MAP3K4: variants seen among roughly 807,000 people sequenced by gnomAD.
MAP3K4 encodes MAP three kinase 1.
Under a neutral mutation model 185.6 loss-of-function variants are expected in MAP3K4, and 67 were observed. The observed-to-expected ratio is 0.36, with a 90% CI of 0.30 to 0.44. The LOEUF (loss-of-function observed/expected upper bound fraction) is 0.44. Ranked by LOEUF, MAP3K4 falls within the 20% of genes least tolerant of loss-of-function variation. The probability of loss-of-function intolerance (pLI) is 1.00; values close to 1 mark genes in which losing one functional copy is unlikely to be tolerated. For synonymous variants in MAP3K4, 702 were observed against 710.4 expected, an observed-to-expected ratio of 0.99 and a Z score of 0.19; for missense variants, 1,551 against 1,995.1, an observed-to-expected ratio of 0.78 and a Z score of 4.24.
At chr6:161,013,931 G>A (rs1781965260) in intron 1 of MAP3K4, among the ~76,000 whole-genome samples, 1 of 152,210 alleles carries the variant, frequency 6.6e-6, no homozygotes, top group African/African-American at 2.4e-5. Flanking sequence ...ATGGAAAGCA[G>A]ATTCTGCCCC....
At chr6:161,045,632 G>C (rs916992959) in intron 2 of MAP3K4, among the ~76,000 whole-genome samples, 25 of 152,216 alleles carry the variant, frequency 1.6e-4, no homozygotes, top group African/African-American at 6.0e-4. Flanking sequence ...TTAATCCTTA[G>C]TTTTCACTTA....
In MAP3K4 at chr6:161,037,747, C is replaced by A. The variant is rs963695734; in HGVS notation, c.343+3298C>A. 6.6e-6 allele frequency among the ~76,000 whole-genome samples: 1 copy of A among 152,150 alleles called. No individual in the cohort carries two copies. Among genetic ancestry groups the A allele is most frequent in the Non-Finnish European group, 1.5e-5 (1 of 68,008 alleles). ...AGTCAGGATTTCTTCCCAACACTTA[C>A]TACTTTTTTTCTTGACTTAAATCTT... On this transcript the variant is annotated intron_variant, in intron 2 of 26. Coordinates refer to ENST00000392142, the MANE Select transcript of MAP3K4 (RefSeq NM_005922.4). The surrounding 1 kb of genome is among the most constrained non-coding windows in gnomAD (Gnocchi z 4.2).
In MAP3K4 at chr6:161,063,351, AT is replaced by A. The variant is rs1299798875; in HGVS notation, c.1708-7255del. Among the ~76,000 whole-genome samples, 1 of 152,088 alleles carries A rather than the reference AT, an allele frequency of 6.6e-6. No homozygotes were observed. Among genetic ancestry groups the A allele is most frequent in the Non-Finnish European group, 1.5e-5 (1 of 68,026 alleles). ...GCAAGCGCTCACTGTCTGGAGGGTTATTCTCCTTTTTCTCTCTCTGCTTATG... is the reference window on the plus strand; with the variant it reads ...GCAAGCGCTCACTGTCTGGAGGGTTATCTCCTTTTTCTCTCTCTGCTTATG... On this transcript the variant is annotated intron_variant, in intron 3 of 26. Coordinates refer to ENST00000392142, the MANE Select transcript of MAP3K4 (RefSeq NM_005922.4). This position sits in a 1 kb window ranked among gnomAD's most constrained non-coding sequence, Gnocchi z 5.4.
chr6:161,072,377 C>T (rs1055243228), intron 4 of MAP3K4, among the ~76,000 whole-genome samples: 1 of 152,082 alleles, frequency 6.6e-6, no homozygotes, highest in Non-Finnish European at 1.5e-5. Context: ...GTATTTCTAT[C>T]CATTTGTTTT....
In MAP3K4 at chr6:161,098,467, C is replaced by G. The variant is rs201437607; in HGVS notation, c.3674+40C>G. ...CCAGTGTCCCGTACCCTCACCACCC[C>G]TTACATGCGCTTACACAGCAACCAT... On this transcript the variant is annotated intron_variant, in intron 17 of 26. Coordinates refer to ENST00000392142, the MANE Select transcript of MAP3K4 (RefSeq NM_005922.4). The surrounding 1 kb of genome is among the most constrained non-coding windows in gnomAD (Gnocchi z 4.4). The G allele has an allele frequency of 2.5e-6, 4 of 1,580,814 alleles. No homozygotes were observed. The highest frequency in any genetic ancestry group is 1.7e-4 in the Middle Eastern group (1 of 5,890).
At chr6:161,113,787 T>TGG (rs1396161249) in intron 25 of MAP3K4, among the ~76,000 whole-genome samples, 1 of 136,882 alleles carries the variant, frequency 7.3e-6, no homozygotes, top group Non-Finnish European at 1.6e-5. Flanking sequence ...AGCATATGAG[T>TGG]GACTTTTTTT....
chr6:160,993,445 C>T (rs1780835362), intron 1 of MAP3K4, among the ~76,000 whole-genome samples: 1 of 152,144 alleles, frequency 6.6e-6, no homozygotes, highest in Non-Finnish European at 1.5e-5. Context: ...ATCTTTTCAA[C>T]AACTCTATGA....
chr6:161,058,136 A>G (rs1784324137), intron 3 of MAP3K4, among the ~76,000 whole-genome samples: 1 of 152,268 alleles, frequency 6.6e-6, no homozygotes, highest in Non-Finnish European at 1.5e-5. Context: ...ATATGAACCC[A>G]GAGCTCTGGC....
At chr6:161,083,512 A>G (rs1023065977) in intron 6 of MAP3K4, among the ~76,000 whole-genome samples, 4 of 152,210 alleles carry the variant, frequency 2.6e-5, no homozygotes, top group African/African-American at 9.7e-5. Context: ...TCAAACGCCA[A>G]ACTAATGAGC....
At position 161,080,842 on chromosome 6, in the gene MAP3K4, C is replaced by G. The variant is rs1394948845; in HGVS notation, c.2098-39C>G. 5 of 1,599,448 alleles carry G rather than the reference C, an allele frequency of 3.1e-6. No individual in the cohort carries two copies. The Admixed American group carries it at 5.1e-5, about 16-fold the overall frequency. On this transcript the variant is annotated intron_variant, in intron 5 of 26. Transcript: ENST00000392142. This position sits in a 1 kb window ranked among gnomAD's most constrained non-coding sequence, Gnocchi z 4.8. ...GGTGAGAGCGCTGAGTTGCCAAGTT[C>G]TACTTTCAAATGTCTCCCTTTACTT... is the stretch of plus-strand genomic sequence containing the variant.
rs1270458870 is a variant in MAP3K4, at chr6:161,101,250, A to G, written c.3675-642A>G. ...AGCACCTCATTAACTTTGTTCTTTA[A>G]TATATTAAGCTTCCTGCTCTTTTGC... On this transcript the variant is annotated intron_variant, in intron 17 of 26. Transcript: ENST00000392142. The surrounding 1 kb of genome is among the most constrained non-coding windows in gnomAD (Gnocchi z 5.1). 3.9e-5 allele frequency: 6 copies of G among 152,068 alleles called. No homozygotes were observed. Among genetic ancestry groups the G allele is most frequent in the Non-Finnish European group, 1.5e-5 (1 of 68,028 alleles). 9.4% of individuals were successfully genotyped at this position (152,068 alleles called of 1,614,324 possible).
chr6:161,073,213 C>T lies in MAP3K4; in HGVS notation c.1951-253C>T, dbSNP rs1031046195. The T allele has an allele frequency of 3.2e-6, 1 of 311,922 alleles. No homozygotes were observed. The highest frequency in any genetic ancestry group is 2.1e-5 in the African/African-American group (1 of 46,586). The allele number at this position is 311,922 out of a possible 1,614,324, so 19.3% of individuals were successfully genotyped here. A position where few individuals can be genotyped will look rare whatever the true frequency, so the allele number is the denominator to read the frequency against. Reference sequence around the variant, plus strand: ...ATTTATTTTAGCAAAGCAGTAATTGCCTATATGGTATTTTCTCTGTGTATC... The same window carrying T: ...ATTTATTTTAGCAAAGCAGTAATTGTCTATATGGTATTTTCTCTGTGTATC... On this transcript the variant is annotated intron_variant, in intron 4 of 26. Transcript: ENST00000392142. This position sits in a 1 kb window ranked among gnomAD's most constrained non-coding sequence, Gnocchi z 4.2.
chr6:161,018,927 C>CAACA (rs2115104555), intron 1 of MAP3K4, among the ~76,000 whole-genome samples: 1 of 152,194 alleles, frequency 6.6e-6, no homozygotes, highest in East Asian at 1.9e-4. Flanking sequence ...GGTGGGATAT[C>CAACA]AACAGATTAG....
rs1785488545 is a variant in MAP3K4 at position 161,082,111 on chromosome 6, A to G, written c.2255+1073A>G. On this transcript the variant is annotated intron_variant, in intron 6 of 26. Coordinates refer to ENST00000392142, the MANE Select transcript of MAP3K4 (RefSeq NM_005922.4). This position sits in a 1 kb window ranked among gnomAD's most constrained non-coding sequence, Gnocchi z 4.2. ...AGTTCTTTTTACATCCTCTCTCTTTATTTGGAGTGGACAGTGAACTTGCTC... is the reference window on the plus strand; with the variant it reads ...AGTTCTTTTTACATCCTCTCTCTTTGTTTGGAGTGGACAGTGAACTTGCTC... Among the ~76,000 whole-genome samples the G allele has an allele frequency of 6.6e-6, 1 of 151,278 alleles. No homozygotes were observed. The highest frequency in any genetic ancestry group is 2.1e-4 in the South Asian group (1 of 4,774).
At position 161,022,852 on chromosome 6, in the gene MAP3K4, CTG is replaced by C. The variant is rs1409578235; in HGVS notation, c.153-11405_153-11404del. Among the ~76,000 whole-genome samples the C allele has an allele frequency of 1.3e-5, 2 of 152,160 alleles. No homozygotes were observed. Among genetic ancestry groups the C allele is most frequent in the Non-Finnish European group, 2.9e-5 (2 of 68,028 alleles). On this transcript the variant is annotated intron_variant, in intron 1 of 26. Coordinates refer to ENST00000392142, the MANE Select transcript of MAP3K4 (RefSeq NM_005922.4). The surrounding 1 kb of genome is among the most constrained non-coding windows in gnomAD (Gnocchi z 4.2). ...AGGTTCTGGTAAAGATGAAATGAGA[CTG>C]TATGATATCGAGCATAGTACTTACC...
Position 160,992,040 on chromosome 6 carries a change from G to T in MAP3K4, c.109G>T (p.Glu37Ter). The T allele has an allele frequency of 6.3e-7, 1 of 1,576,728 alleles. No homozygotes were observed. ...PPPPPPPPPP[E>*]PETESEPECC... is the part of the protein sequence containing the mutation. The stretch of plus-strand genomic sequence containing the variant: ...GCCGCCGCCGCCACCACCGCCACCG[G>T]AACCCGAGACCGAGTCAGAACCCGA... The change falls in exon 1 of 27, where the codon GAA (glutamate) becomes TAA (stop). Residue 37 changes from glutamate (E) to a stop codon, truncating the protein, a stop_gained. Coordinates refer to ENST00000392142, the MANE Select transcript of MAP3K4 (RefSeq NM_005922.4). LOFTEE classifies it high-confidence loss of function.
At chr6:161,102,037 A>G (rs763599991) in intron 18 of MAP3K4, 45 bp downstream of exon 18, 11 of 1,483,626 alleles carry the variant, frequency 7.4e-6, no homozygotes, top group Non-Finnish European at 1.0e-5. Context: ...CAGTCTAATC[A>G]TTTGTCTCAG....
chr6:160,992,184 G>A lies in MAP3K4; in HGVS notation c.152+101G>A, dbSNP rs1043685426. The A allele has an allele frequency of 1.9e-5, 27 of 1,390,444 alleles. No individual in the cohort carries two copies. In the African/African-American group the frequency reaches 4.0e-4, roughly 20 times the overall value. The allele number at this position is 1,390,444 out of a possible 1,614,324, so 86.1% of individuals were successfully genotyped here. On this transcript the variant is annotated intron_variant, in intron 1 of 26. Coordinates refer to ENST00000392142, the MANE Select transcript of MAP3K4 (RefSeq NM_005922.4). ...GCCTCTGCTTCCCGCCAGGTGGGGA[G>A]GGAAGCATCCAGTCTCTGCAGGCTG... is the stretch of plus-strand genomic sequence containing the variant.
rs1170455721 is a variant in MAP3K4 at position 161,074,855 on chromosome 6, A to G, written c.2097+1243A>G. Among the ~76,000 whole-genome samples the G allele has an allele frequency of 2.0e-5, 3 of 152,170 alleles. No individual in the cohort carries two copies. The highest frequency in any genetic ancestry group is 7.2e-5 in the African/African-American group (3 of 41,440). On this transcript the variant is annotated intron_variant, in intron 5 of 26. Coordinates refer to ENST00000392142, the MANE Select transcript of MAP3K4 (RefSeq NM_005922.4). The surrounding 1 kb of genome is among the most constrained non-coding windows in gnomAD (Gnocchi z 5.0). ...GGGAAGAAAAGGGGAAACAGACCTT[A>G]CCAGCTAAGTCCAGACCTTTTTATC...
Sources: allele counts gnomAD v4.1 joint callset (sites outside exome capture counted in the v4.1 genomes callset), GRCh38; gene constraint gnomAD v4.1.1; non-coding constraint Gnocchi (gnomAD v3.1); transcripts MANE v1.5; gene names NCBI Gene and HGNC (gene_info 2026-07-23, HGNC 2026-07-21).